The following CEP72 variants were observed in gnomAD, a reference collection of about 807,000 sequenced individuals.
CEP72 encodes centrosomal protein 72, also known as centrosomal protein of 72 kDa.
Under a neutral mutation model 65.7 loss-of-function variants are expected in CEP72, and 78 were observed. That is an observed-to-expected ratio of 1.19 (90% CI 0.99 to 1.43). The LOEUF (loss-of-function observed/expected upper bound fraction) is 1.43, where lower values mean the gene tolerates loss of function less well. Ranked by LOEUF, CEP72 falls within the 40% of genes most tolerant of loss-of-function variation. CEP72 has a pLI of 0.00. For missense variants in CEP72, 914 were observed against 832.9 expected, an observed-to-expected ratio of 1.10 and a Z score of -1.20; for synonymous variants, 358 against 351.7, an observed-to-expected ratio of 1.02 and a Z score of -0.20.
chr5:622,762 A>C (rs1736476996), intron 3 of CEP72, among the ~76,000 whole-genome samples: 1 of 148,240 alleles, frequency 6.7e-6, no homozygotes, highest in Non-Finnish European at 1.5e-5. Flanking sequence ...GGACCCCCCC[A>C]AGACACAGTG....
chr5:648,724 TGACTGTGAGGCATGACTGTGAGGTGTG>T (rs1738631818), intron 11 of CEP72, among the ~76,000 whole-genome samples: 1 of 58,084 alleles, frequency 1.7e-5, no homozygotes, highest in Non-Finnish European at 3.6e-5. Flanking sequence ...CTGTGAGGCG[TGACTGTGAGGCATGACTGTGAGGTGTG>T]GACTGTGAGG....
chr5:648,871 T>TG (rs1258059084), intron 11 of CEP72, among the ~76,000 whole-genome samples: 21 of 61,702 alleles, frequency 3.4e-4, no homozygotes, highest in East Asian at 9.8e-4. Context: ...CTGTGAGGTG[T>TG]GACTGTGAGG....
In CEP72 at chr5:624,716, C is replaced by T. The variant is rs1407910497; in HGVS notation, c.512+137C>T. 1 of 676,818 alleles carries T rather than the reference C, an allele frequency of 1.5e-6. No individual in the cohort carries two copies. Among genetic ancestry groups the T allele is most frequent in the East Asian group, 2.7e-5 (1 of 36,752 alleles). 41.9% of individuals were successfully genotyped at this position (676,818 alleles called of 1,614,324 possible). A position where few individuals can be genotyped will look rare whatever the true frequency, so the allele number is the denominator to read the frequency against. The stretch of plus-strand genomic sequence containing the variant: ...AGGAGGGAGGAAGGGCAGAGCCTGC[C>T]TGGCGGGGACTCCGTGGACAGTGGG... On this transcript the variant is annotated intron_variant, in intron 4 of 11. Coordinates refer to ENST00000264935, the MANE Select transcript of CEP72 (RefSeq NM_018140.4). This position sits in a 1 kb window ranked among gnomAD's most constrained non-coding sequence, Gnocchi z 4.7.
intron 3 of CEP72, among the ~76,000 whole-genome samples, chr5:620,832 G>C (rs1736342244): frequency 6.6e-6 from 1 of 152,200 alleles, no homozygotes; most frequent in South Asian, 2.1e-4. Flanking sequence ...TGCCCAGTAG[G>C]GAGGGTCCCT....
At chr5:675,462 A>ATGTGG in the CEP72 span, among the ~76,000 whole-genome samples, 1 of 35,522 alleles carries the variant, frequency 2.8e-5, no homozygotes. Flanking sequence ...GGGGTGCAGC[A>ATGTGG]CAGGGGGTGC....
intron 4 of CEP72, chr5:666,155 G>A (rs11750269): frequency 0.18 from 275,751 of 1,564,432 alleles, 26,261 homozygotes; most frequent in Non-Finnish European, 0.19. Flanking sequence ...AGGGCTGGGC[G>A]CGGGCCGGCC....
chr5:624,520 T>G lies in CEP72; in HGVS notation c.453T>G (p.Phe151Leu), dbSNP rs773830505. 2.2e-5 allele frequency: 35 copies of G among 1,614,226 alleles called. No individual in the cohort carries two copies. The highest frequency in any genetic ancestry group is 3.3e-4 in the Middle Eastern group (2 of 6,062). The change falls in exon 4 of 12, where the codon TTT (phenylalanine) becomes TTG (leucine). Residue 151 changes from phenylalanine (F) to leucine (L), a missense_variant. Phe to Leu is a conservative substitution (Grantham distance 22). Transcript: ENST00000264935. The surrounding 1 kb of genome is among the most constrained non-coding windows in gnomAD (Gnocchi z 4.7). ...AGCGGAAGGCTTCCCGACTGCATTT[T>G]GCATCAGAGGACTCACTCGACTCCA... is the stretch of plus-strand genomic sequence containing the variant. ...ASERKASRLH[F>L]ASEDSLDSKE...
At chr5:667,785 C>CT (rs1338168074), downstream of CEP72, among the ~76,000 whole-genome samples, 1 of 151,762 alleles carries the variant, frequency 6.6e-6, no homozygotes, top group Non-Finnish European at 1.5e-5. Flanking sequence ...GACAAGCACA[C>CT]GGAGAGGGGT....
At position 653,256 on chromosome 5, in the gene CEP72, T is replaced by C; in HGVS notation, c.*103T>C. On this transcript the variant is annotated 3_prime_UTR_variant, in exon 12 of 12. Transcript: ENST00000264935. ...AGTGTACTGGCTGGCAAGAGTTCTC[T>C]CTTCTGTTGGTAATTATTTAGGATT... 8.6e-7 allele frequency: 1 copy of C among 1,159,344 alleles called. No homozygotes were observed. Among genetic ancestry groups the C allele is most frequent in the Non-Finnish European group, 1.2e-6 (1 of 863,130 alleles). The allele number at this position is 1,159,344 out of a possible 1,614,324, so 71.8% of individuals were successfully genotyped here.
downstream of CEP72, among the ~76,000 whole-genome samples, chr5:671,179 C>G (rs72707027): frequency 0.12 from 18,859 of 151,406 alleles, 1,497 homozygotes; most frequent in South Asian, 0.18. Context: ...CTGTCTCCCT[C>G]TGGGCGCACA....
In CEP72 at chr5:635,533, C is replaced by A; in HGVS notation, c.853C>A (p.Pro285Thr). ...GCTTCCGCCACTGTACGGAGCGGAGCCAGAGGCCTCCCGTGCCCCCAGGCC... is the reference window on the plus strand; with the variant it reads ...GCTTCCGCCACTGTACGGAGCGGAGACAGAGGCCTCCCGTGCCCCCAGGCC... ...GELPPLYGAE[P>T]EASRAPRPHT... The change falls in exon 6 of 12, where the codon CCA becomes ACA. Residue 285 changes from proline to threonine, a missense_variant. Pro to Thr is a conservative substitution (Grantham distance 38). Coordinates refer to ENST00000264935, the MANE Select transcript of CEP72 (RefSeq NM_018140.4). 1 of 1,613,986 alleles carries A rather than the reference C, an allele frequency of 6.2e-7. No individual in the cohort carries two copies. Among genetic ancestry groups the A allele is most frequent in the Non-Finnish European group, 8.5e-7 (1 of 1,179,954 alleles).
chr5:673,250 C>G, the CEP72 span, among the ~76,000 whole-genome samples: 3 of 152,206 alleles, frequency 2.0e-5, no homozygotes, highest in African/African-American at 7.2e-5. Context: ...GGTGGCCCTG[C>G]TCCTCTCTCT....
downstream of CEP72, among the ~76,000 whole-genome samples, chr5:658,948 G>A (rs1294157989): frequency 6.6e-6 from 1 of 152,208 alleles, no homozygotes; most frequent in Non-Finnish European, 1.5e-5. Context: ...GACTACAGGT[G>A]TGAGCCACCG....
rs370380239 is a variant in CEP72 at position 624,494 on chromosome 5, G to A, written c.427G>A (p.Glu143Lys). 5.3e-5 allele frequency: 85 copies of A among 1,614,036 alleles called. No homozygotes were observed. The highest frequency in any genetic ancestry group is 6.8e-5 in the Non-Finnish European group (80 of 1,179,984). Residue 143 changes from glutamate (E) to lysine (K), a missense_variant, in exon 4 of 12, where the codon GAG (glutamate) becomes AAG (lysine). Coordinates refer to ENST00000264935, the MANE Select transcript of CEP72 (RefSeq NM_018140.4). This position sits in a 1 kb window ranked among gnomAD's most constrained non-coding sequence, Gnocchi z 4.7. ...AGACGATCGCCCCGTGAGAGCAAGCGAGCGGAAGGCTTCCCGACTGCATTT... is the reference window on the plus strand; with the variant it reads ...AGACGATCGCCCCGTGAGAGCAAGCAAGCGGAAGGCTTCCCGACTGCATTT... Reference protein sequence around the residue: ...QLDDRPVRASERKASRLHFAS... With the variant: ...QLDDRPVRASKRKASRLHFAS...
intron 1 of CEP72, among the ~76,000 whole-genome samples, chr5:615,027 T>G (rs972553460): frequency 2.4e-4 from 35 of 148,654 alleles, no homozygotes; most frequent in African/African-American, 8.0e-4. Flanking sequence ...GATTTGTCTG[T>G]TTTTTTTTTC....
At chr5:622,471 A>G (rs1736455129) in intron 3 of CEP72, among the ~76,000 whole-genome samples, 1 of 152,234 alleles carries the variant, frequency 6.6e-6, no homozygotes, top group African/African-American at 2.4e-5. Flanking sequence ...GGAGGCACTC[A>G]GGGCGTCTGT....
chr5:620,007 T>C, intron 2 of CEP72, 62 bp from the exon 3 acceptor site: 1 of 1,405,938 alleles, frequency 7.1e-7, no homozygotes. Context: ...TGTTGCTGGC[T>C]TATTTCACTG....
chr5:649,582 C>T (rs1327505508), intron 11 of CEP72, among the ~76,000 whole-genome samples: 2 of 83,936 alleles, frequency 2.4e-5, no homozygotes, highest in Admixed American at 1.6e-4. Context: ...GACTGTGAGG[C>T]GTGACTGAGG....
chr5:622,156 C>T (rs1736435335), intron 3 of CEP72, among the ~76,000 whole-genome samples: 1 of 152,250 alleles, frequency 6.6e-6, no homozygotes, highest in Non-Finnish European at 1.5e-5. Context: ...GCATGCAGCA[C>T]ACACACCCTC....
Sources: gnomAD v4.1 joint callset for allele counts (sites outside exome capture counted in the v4.1 genomes callset) on GRCh38, gnomAD v4.1.1 for gene constraint, Gnocchi (gnomAD v3.1) non-coding constraint, MANE v1.5 for transcripts, NCBI Gene and HGNC (gene_info 2026-07-23, HGNC 2026-07-21) for gene names.